Variants in CDH23 observed in about 807,000 individuals in gnomAD.
CDH23 encodes the protein cadherin related 23, also known as cadherin-23.
Under a neutral mutation model 317.1 loss-of-function variants are expected in CDH23, and 189 were observed. The observed-to-expected ratio is 0.60, with a 90% CI of 0.53 to 0.67. CDH23 has a LOEUF of 0.67. Ranked by LOEUF, CDH23 falls within the 30% of genes least tolerant of loss-of-function variation. The probability of loss-of-function intolerance (pLI) is 0.00; values close to 1 mark genes in which losing one functional copy is unlikely to be tolerated. For synonymous variants in CDH23, 1,839 were observed against 1,876.8 expected (o/e 0.98, Z 0.52); for missense variants, 4,401 against 4,592.4 (o/e 0.96, Z 1.20).
chr10:71,567,112 G>T (rs1857453245), intron 7 of CDH23, among the ~76,000 whole-genome samples, 176 bp downstream of exon 7: 1 of 152,188 alleles, frequency 6.6e-6, no homozygotes, highest in South Asian at 2.1e-4. Context: ...GCTTTGTGCT[G>T]TGTCCCTGGC....
At chr10:71,405,718 A>C (rs189225329) in intron 1 of CDH23, among the ~76,000 whole-genome samples, 75 of 152,280 alleles carry the variant, frequency 4.9e-4, no homozygotes, top group Non-Finnish European at 2.2e-4. Flanking sequence ...GATTATAGGC[A>C]TGAGCCATCG....
intron 1 of CDH23, among the ~76,000 whole-genome samples, chr10:71,405,427 ACTAT>A (rs1220959029): frequency 9.1e-4 from 133 of 145,574 alleles, no homozygotes; most frequent in African/African-American, 3.2e-3. Context: ...GCATGGGTAG[ACTAT>A]CTTTTTTTTT....
intron 47 of CDH23, among the ~76,000 whole-genome samples, chr10:71,792,833 AAAAAAAAAAAAAAAAAAAAAT>A (rs1365484953): frequency 2.6e-4 from 20 of 76,046 alleles, no homozygotes; most frequent in Admixed American, 5.0e-4. Flanking sequence ...AAAAAAAAAA[AAAAAAAAAAAAAAAAAAAAAT>A]ATATATATAT....
intron 1 of CDH23, among the ~76,000 whole-genome samples, chr10:71,427,469 C>T (rs1408498551): frequency 2.0e-5 from 3 of 152,132 alleles, no homozygotes; most frequent in Non-Finnish European, 2.9e-5. Flanking sequence ...TTGAGGCAGG[C>T]GTCAGTCTCC....
intron 22 of CDH23, among the ~76,000 whole-genome samples, chr10:71,697,209 T>TCACCAGGTCTCCTGCCCTC (rs1235158872): frequency 2.0e-5 from 3 of 152,192 alleles, no homozygotes; most frequent in East Asian, 3.8e-4. Flanking sequence ...CCCCCGCCCT[T>TCACCAGGTCTCCTGCCCTC]CACCAGGTCT....
chr10:71,813,657 AGC>A (rs2133011101), intron 69 of CDH23, among the ~76,000 whole-genome samples: 2 of 152,342 alleles, frequency 1.3e-5, no homozygotes, highest in Admixed American at 1.3e-4. Context: ...CTGTAATCCC[AGC>A]ACTTTGGGAG....
rs1842083381 is a variant in CDH23 at position 71,815,010 on chromosome 10, T to G, written c.9797T>G (p.Leu3266Arg). 6.2e-7 allele frequency: 1 copy of G among 1,612,326 alleles called. No individual in the cohort carries two copies. Among genetic ancestry groups the G allele is most frequent in the East Asian group, 2.2e-5 (1 of 44,870 alleles). The part of the protein sequence containing the change: ...PGDHSPGQGS[L>R]RFRHKPPVEL... ...GACCACAGCCCAGGGCAGGGTAGCC[T>G]GCGCTTCCGCCACAAGCCACCAGTG... The change falls in exon 70 of 70, where the codon CTG (leucine) becomes CGG (arginine). Residue 3266 changes from leucine (L) to arginine (R), a missense_variant. Transcript: ENST00000224721.
Position 71,808,009 on chromosome 10 carries a change from T to C in CDH23, c.8722+2T>C. The C allele has an allele frequency of 6.3e-7, 1 of 1,579,934 alleles. No homozygotes were observed. Among genetic ancestry groups the C allele is most frequent in the Non-Finnish European group, 8.6e-7 (1 of 1,162,382 alleles). ...ATGTGGGCCAGGTCTTCACCATGGG[T>C]AGGGCCTGGCAGCACATGAGTGGCC... On this transcript the variant is annotated splice_donor_variant, in intron 60 of 69. Coordinates refer to ENST00000224721, the MANE Select transcript of CDH23 (RefSeq NM_022124.6). LOFTEE classifies it high-confidence loss of function.
intron 46 of CDH23, 195 bp downstream of exon 46, chr10:71,790,608 C>A: frequency 1.5e-6 from 1 of 682,184 alleles, no homozygotes; most frequent in Admixed American, 2.9e-5. Flanking sequence ...TGGGAAGAGG[C>A]TTGGAGACGA....
At chr10:71,503,065 G>A (rs1029232099) in intron 3 of CDH23, among the ~76,000 whole-genome samples, 6 of 152,262 alleles carry the variant, frequency 3.9e-5, no homozygotes, top group Admixed American at 3.9e-4. Flanking sequence ...CATGGGCCCA[G>A]TGGGGCCTCA....
chr10:71,446,123 A>G (rs1349925275), intron 2 of CDH23, among the ~76,000 whole-genome samples, 195 bp from the exon 3 acceptor site: 1 of 152,202 alleles, frequency 6.6e-6, no homozygotes, highest in Non-Finnish European at 1.5e-5. Context: ...CACACCAGAC[A>G]GCTGCCTGCC....
intron 1 of CDH23, among the ~76,000 whole-genome samples, chr10:71,423,750 T>C (rs1475801842): frequency 6.6e-6 from 1 of 152,180 alleles, no homozygotes; most frequent in Non-Finnish European, 1.5e-5. Context: ...ATTTTCACCA[T>C]TTGGAAAATG....
At chr10:71,468,248 G>A (rs555383727) in intron 3 of CDH23, among the ~76,000 whole-genome samples, 4 of 152,282 alleles carry the variant, frequency 2.6e-5, no homozygotes, top group Non-Finnish European at 5.9e-5. Flanking sequence ...CCGCTGTGGG[G>A]CCCTTAAGCC....
At chr10:71,535,280 T>G (rs979075396) in intron 6 of CDH23, among the ~76,000 whole-genome samples, 1 of 152,198 alleles carries the variant, frequency 6.6e-6, no homozygotes, top group African/African-American at 2.4e-5. Flanking sequence ...GGGCCCACTT[T>G]GCATTCCTGA....
At chr10:71,454,502 C>T (rs1850594323) in intron 3 of CDH23, among the ~76,000 whole-genome samples, 1 of 152,214 alleles carries the variant, frequency 6.6e-6, no homozygotes, top group East Asian at 1.9e-4. Context: ...ACAAAAGAAC[C>T]TAGACTGGAA....
In CDH23 at chr10:71,526,081, C is replaced by T. The variant is rs777835792; in HGVS notation, c.429+14869C>T. On this transcript the variant is annotated intron_variant, in intron 6 of 69. Coordinates refer to ENST00000224721, the MANE Select transcript of CDH23 (RefSeq NM_022124.6). ...ACCCAGATAGCCACCAGCAAAAGCT[C>T]GGCCCTCTGCATCGCTGAGGGGGTG... is the stretch of plus-strand genomic sequence containing the variant. Among the ~76,000 whole-genome samples the T allele has an allele frequency of 7.2e-5, 11 of 152,218 alleles. No individual in the cohort carries two copies. In the East Asian group the frequency reaches 7.7e-4, roughly 11 times the overall value.
In CDH23 at chr10:71,738,629, T is replaced by C. The variant is rs12218564; in HGVS notation, c.4341T>C (p.Asp1447=). 17,143 of 1,613,346 alleles carry C rather than the reference T, an allele frequency of 0.011. 1,267 individuals carry two copies. In the Admixed American group the frequency reaches 0.15, roughly 14 times the overall value. Residue 1447 remains aspartate (D), a synonymous_variant, in exon 35 of 70, where the codon GAT becomes GAC. Coordinates refer to ENST00000224721, the MANE Select transcript of CDH23 (RefSeq NM_022124.6). ...RVATVKAWDP[D]AGSNGQVVFS... is the part of the protein sequence containing the mutation. ...CTACTGTCAAGGCCTGGGACCCTGATGCTGGCAGCAATGGGCAGGTGGGCC... is the reference window on the plus strand; with the variant it reads ...CTACTGTCAAGGCCTGGGACCCTGACGCTGGCAGCAATGGGCAGGTGGGCC...
At chr10:71,594,240 T>A (rs1271185484) in intron 9 of CDH23, among the ~76,000 whole-genome samples, 1 of 152,120 alleles carries the variant, frequency 6.6e-6, no homozygotes, top group Non-Finnish European at 1.5e-5. Context: ...GTATAAAAAA[T>A]TGTGCTCAAT....
intron 28 of CDH23, among the ~76,000 whole-genome samples, chr10:71,720,345 C>CT (rs1303569980): frequency 6.6e-6 from 1 of 152,026 alleles, no homozygotes; most frequent in Non-Finnish European, 1.5e-5. Context: ...AAGCATAGGA[C>CT]TGACGGACCT....
Sources: gnomAD v4.1 joint callset for allele counts (sites outside exome capture counted in the v4.1 genomes callset) on GRCh38, gnomAD v4.1.1 for gene constraint, MANE v1.5 for transcripts, NCBI Gene and HGNC (gene_info 2026-07-23, HGNC 2026-07-21) for gene names.